The following CCDC91 variants were observed in gnomAD, a reference collection of about 807,000 sequenced individuals.
The protein encoded by CCDC91 is coiled-coil domain-containing protein 91.
In CCDC91, 48 loss-of-function variants were observed where a neutral mutation model predicts 63.2. The observed-to-expected ratio is 0.76, with a 90% confidence interval of 0.60 to 0.97. The LOEUF is 0.97. Ranked by LOEUF, CCDC91 falls within the 50% of genes least tolerant of loss-of-function variation. CCDC91 has a pLI of 0.00. For missense variants in CCDC91, 500 were observed against 494.6 expected (o/e 1.01, Z -0.10); for synonymous variants, 167 against 165.8 (o/e 1.01, Z -0.06).
At chr12:28,419,754 A>ATTTTT (rs34455320) in intron 8 of CCDC91, among the ~76,000 whole-genome samples, 1 of 146,224 alleles carries the variant, frequency 6.8e-6, no homozygotes, top group Non-Finnish European at 1.5e-5. Context: ...TTAAATTATC[A>ATTTTT]TTTTTTTTTT....
intron 7 of CCDC91, among the ~76,000 whole-genome samples, chr12:28,383,893 T>C (rs1456574181): frequency 6.6e-6 from 1 of 152,182 alleles, no homozygotes; most frequent in Non-Finnish European, 1.5e-5. Context: ...TTAAAATACA[T>C]GGCTATGTGT....
chr12:28,349,156 CTT>C (rs1398541780), intron 6 of CCDC91, among the ~76,000 whole-genome samples: 1 of 151,998 alleles, frequency 6.6e-6, no homozygotes, highest in African/African-American at 2.4e-5. Context: ...CATATCTTCT[CTT>C]ATTTCTTTGA....
chr12:28,384,809 A>G (rs1300436529), intron 7 of CCDC91, among the ~76,000 whole-genome samples: 1 of 152,122 alleles, frequency 6.6e-6, no homozygotes, highest in East Asian at 1.9e-4. Flanking sequence ...GCAGGTATGT[A>G]AAGTTCATGG....
chr12:28,353,202 A>G (rs1426094819), intron 6 of CCDC91, among the ~76,000 whole-genome samples: 1 of 152,142 alleles, frequency 6.6e-6, no homozygotes, highest in Non-Finnish European at 1.5e-5. Flanking sequence ...CTCAGCCTTC[A>G]CAGAATTGAA....
At chr12:28,364,525 T>G (rs1944144453) in intron 7 of CCDC91, among the ~76,000 whole-genome samples, 1 of 152,256 alleles carries the variant, frequency 6.6e-6, no homozygotes, top group Non-Finnish European at 1.5e-5. Context: ...CCTATATTAT[T>G]ATAGTATTGA....
intron 11 of CCDC91, among the ~76,000 whole-genome samples, chr12:28,455,953 C>G (rs1950038888): frequency 6.6e-6 from 1 of 152,026 alleles, no homozygotes; most frequent in African/African-American, 2.4e-5. Context: ...GAGGAGTCAA[C>G]AGTCAGTATT....
At chr12:28,195,882 A>T (rs1941722658) in intron 1 of CCDC91, among the ~76,000 whole-genome samples, 1 of 152,158 alleles carries the variant, frequency 6.6e-6, no homozygotes, top group Non-Finnish European at 1.5e-5. Context: ...AGGTGGGAGG[A>T]TCGCTTGAGC....
intron 12 of CCDC91, among the ~76,000 whole-genome samples, chr12:28,535,858 C>T (rs545320510): frequency 1.6e-4 from 24 of 151,860 alleles, no homozygotes; most frequent in Non-Finnish European, 4.4e-5. Context: ...GAAACCCCGT[C>T]TCTACTAAAA....
At position 28,270,292 on chromosome 12, in the gene CCDC91, A is replaced by G. The variant is rs140770715; in HGVS notation, c.109+10850A>G. 3.5e-3 allele frequency among the ~76,000 whole-genome samples: 529 copies of G among 152,258 alleles called. 15 individuals are homozygous for G. The highest frequency in any genetic ancestry group is 0.033 in the Admixed American group (508 of 15,246). On this transcript the variant is annotated intron_variant, in intron 3 of 12. Transcript: ENST00000536442. ...AGATATACTTTAGAACTGTGAATCA[A>G]TAGGGAAGGTATTACTTAAACTTAA... is the stretch of plus-strand genomic sequence containing the variant.
At chr12:28,491,981 G>C (rs1952035715) in intron 12 of CCDC91, among the ~76,000 whole-genome samples, 1 of 151,172 alleles carries the variant, frequency 6.6e-6, no homozygotes, top group Non-Finnish European at 1.5e-5. Context: ...GTGTGTGTGT[G>C]TCTGTTTGAA....
chr12:28,199,515 C>G (rs901885931), intron 1 of CCDC91, among the ~76,000 whole-genome samples: 1 of 152,130 alleles, frequency 6.6e-6, no homozygotes, highest in African/African-American at 2.4e-5. Flanking sequence ...TTTATATTTA[C>G]CTATGTAGTT....
At chr12:28,494,207 A>G (rs917756637) in intron 12 of CCDC91, among the ~76,000 whole-genome samples, 1 of 151,656 alleles carries the variant, frequency 6.6e-6, no homozygotes, top group Non-Finnish European at 1.5e-5. Flanking sequence ...TCTAACACCC[A>G]TTGAATCTAT....
intron 8 of CCDC91, among the ~76,000 whole-genome samples, chr12:28,410,731 G>A (rs1208614078): frequency 2.0e-5 from 3 of 151,650 alleles, no homozygotes; most frequent in East Asian, 1.9e-4. Flanking sequence ...TATGTTGGCC[G>A]GGCTGGTCTC....
chr12:28,391,411 G>C lies in CCDC91; in HGVS notation c.762G>C (p.Gln254His), dbSNP rs1565900976. Reference protein sequence around the residue: ...AHKCEELLNAQHQRLLEMLDT... With the variant: ...AHKCEELLNAHHQRLLEMLDT... ...AGTGTGAGGAGTTGCTAAATGCTCAGGTAATAAAAGTGCACATCCATTATA... is the reference window on the plus strand; with the variant it reads ...AGTGTGAGGAGTTGCTAAATGCTCACGTAATAAAAGTGCACATCCATTATA... The change falls in exon 8 of 13, where the codon CAG becomes CAC. Residue 254 changes from glutamine to histidine, a missense_variant and splice_region_variant. Coordinates refer to ENST00000536442, the MANE Select transcript of CCDC91 (RefSeq NM_018318.5). 11 of 1,554,388 alleles carry C rather than the reference G, an allele frequency of 7.1e-6. No individual in the cohort carries two copies. Among genetic ancestry groups the C allele is most frequent in the Non-Finnish European group, 9.8e-6 (11 of 1,125,968 alleles).
chr12:28,279,490 C>A (rs1592186696), intron 3 of CCDC91, among the ~76,000 whole-genome samples: 1 of 151,964 alleles, frequency 6.6e-6, no homozygotes, highest in African/African-American at 2.4e-5. Context: ...ACAAATATTC[C>A]ACTGAACTAA....
At chr12:28,410,004 G>C (rs1055035806) in intron 8 of CCDC91, among the ~76,000 whole-genome samples, 2 of 151,896 alleles carry the variant, frequency 1.3e-5, no homozygotes, top group Admixed American at 6.6e-5. Context: ...TGTACATTCT[G>C]GTGTTGGTGG....
intron 6 of CCDC91, among the ~76,000 whole-genome samples, chr12:28,334,894 C>T (rs941364292): frequency 6.6e-6 from 1 of 151,372 alleles, no homozygotes; most frequent in Non-Finnish European, 1.5e-5. Flanking sequence ...GGTATATAGC[C>T]TGTTCGTTTC....
At chr12:28,361,731 G>T (rs2138554165) in intron 6 of CCDC91, among the ~76,000 whole-genome samples, 1 of 151,376 alleles carries the variant, frequency 6.6e-6, no homozygotes, top group African/African-American at 2.4e-5. Flanking sequence ...TATCCTATCT[G>T]TTTTCTCCAT....
rs539633200 is a variant in CCDC91 at position 28,506,860 on chromosome 12, TA to T, written c.1215+22708del. ...ATTTACTGAATCTGTCCTTCAGGGG[TA>T]AAAAAAAAAAAAGACAAAACCAAAA... On this transcript the variant is annotated intron_variant, in intron 12 of 12. Transcript: ENST00000536442. 6.5e-3 allele frequency among the ~76,000 whole-genome samples: 869 copies of T among 133,450 alleles called. 6 individuals are homozygous for T. Among genetic ancestry groups the T allele is most frequent in the African/African-American group, 0.013 (468 of 36,474 alleles). The allele number at this position is 133,450 out of a possible 152,430, so 87.5% of individuals were successfully genotyped here. A position where few individuals can be genotyped will look rare whatever the true frequency, so the allele number is the denominator to read the frequency against.
Sources: gnomAD v4.1 joint callset for allele counts (sites outside exome capture counted in the v4.1 genomes callset) on GRCh38, gnomAD v4.1.1 for gene constraint, MANE v1.5 for transcripts, NCBI Gene and HGNC (gene_info 2026-07-23, HGNC 2026-07-21) for gene names.